FNDC3B: variants seen among roughly 807,000 people sequenced by gnomAD.
The protein encoded by FNDC3B is fibronectin type III domain containing 3B, also known as fibronectin type III domain-containing protein 3B.
In FNDC3B, 12 loss-of-function variants were observed where a neutral mutation model predicts 151.5. The ratio of observed to expected loss-of-function variants is 0.08; its 90% CI spans 0.05 to 0.13. The LOEUF is 0.13. FNDC3B is among the 10% of genes least tolerant of loss of function. FNDC3B has a pLI of 1.00. For missense variants in FNDC3B, 1,214 were observed against 1,505.3 expected (o/e 0.81, Z 3.20); for synonymous variants, 528 against 549.0 (o/e 0.96, Z 0.54).
chr3:172,236,660 A>AG (rs538001665), intron 4 of FNDC3B, among the ~76,000 whole-genome samples: 52 of 152,138 alleles, frequency 3.4e-4, no homozygotes, highest in Admixed American at 7.9e-4. Flanking sequence ...CTAACCAGGG[A>AG]GGGGTTCCTC....
rs186118875 is a variant in FNDC3B, at chr3:172,113,022, A to C, written c.111+432A>C. ...CCTTGCTCCTGGAATAGTCCTTCCA[A>C]ATGTGTAGCTCATAAAATCACGGTA... On this transcript the variant is annotated intron_variant, in intron 2 of 25. Coordinates refer to ENST00000415807, the MANE Select transcript of FNDC3B (RefSeq NM_022763.4). 1.5e-3 allele frequency among the ~76,000 whole-genome samples: 228 copies of C among 152,296 alleles called. 1 individual carries two copies. The highest frequency in any genetic ancestry group is 5.3e-3 in the African/African-American group (221 of 41,556).
chr3:172,261,976 C>G (rs1366536619), intron 6 of FNDC3B, among the ~76,000 whole-genome samples: 1 of 151,980 alleles, frequency 6.6e-6, no homozygotes, highest in Non-Finnish European at 1.5e-5. Context: ...ATGATTTGCT[C>G]CAAGCATAAA....
At position 172,352,709 on chromosome 3, in the gene FNDC3B, A is replaced by G. The variant is rs1377420959; in HGVS notation, c.2515-94A>G. On this transcript the variant is annotated intron_variant, in intron 21 of 25. Coordinates refer to ENST00000415807, the MANE Select transcript of FNDC3B (RefSeq NM_022763.4). This position sits in a 1 kb window ranked among gnomAD's most constrained non-coding sequence, Gnocchi z 4.2. ...TCTACCTGCATATGTGGAAATGTGT[A>G]CTACTTTAGATTTATTTAATGGCAG... 26 of 1,229,286 alleles carry G rather than the reference A, an allele frequency of 2.1e-5. No individual in the cohort carries two copies. Among genetic ancestry groups the G allele is most frequent in the East Asian group, 7.0e-5 (3 of 42,678 alleles). The allele number at this position is 1,229,286 out of a possible 1,614,324, so 76.1% of individuals were successfully genotyped here. A position where few individuals can be genotyped will look rare whatever the true frequency, so the allele number is the denominator to read the frequency against.
intron 6 of FNDC3B, among the ~76,000 whole-genome samples, chr3:172,277,183 G>T (rs114960259): frequency 0.023 from 3,463 of 152,282 alleles, 137 homozygotes; most frequent in African/African-American, 0.08. Context: ...GCATGCAAAT[G>T]TAGCAAAATG....
chr3:172,064,073 G>T (rs1489124616), intron 1 of FNDC3B, among the ~76,000 whole-genome samples: 1 of 152,098 alleles, frequency 6.6e-6, no homozygotes, highest in Non-Finnish European at 1.5e-5. Flanking sequence ...TTGAGGCCAG[G>T]AGTTTGAGGC....
chr3:172,129,725 G>A (rs1361970142), intron 2 of FNDC3B, among the ~76,000 whole-genome samples: 3 of 152,174 alleles, frequency 2.0e-5, no homozygotes, highest in African/African-American at 7.2e-5. Context: ...AGCAATAGTA[G>A]CTTAGAGGAT....
Position 172,291,986 on chromosome 3 carries a change from A to G in FNDC3B, c.850-3377A>G, listed in dbSNP as rs547063814. On this transcript the variant is annotated intron_variant, in intron 7 of 25. Coordinates refer to ENST00000415807, the MANE Select transcript of FNDC3B (RefSeq NM_022763.4). ...ATTACCTCCCAGGACACTTGGAGTA[A>G]ATATGTCTAGTGCTGAGAATTCACC... Among the ~76,000 whole-genome samples, 10 of 152,318 alleles carry G rather than the reference A, an allele frequency of 6.6e-5. 1 individual carries two copies. Among genetic ancestry groups the G allele is most frequent in the African/African-American group, 2.4e-4 (10 of 41,576 alleles).
At chr3:172,109,910 T>G (rs1251098442) in intron 1 of FNDC3B, among the ~76,000 whole-genome samples, 1 of 152,216 alleles carries the variant, frequency 6.6e-6, no homozygotes, top group Non-Finnish European at 1.5e-5. Flanking sequence ...AAGAGATGGT[T>G]TTGCACATCT....
intron 2 of FNDC3B, among the ~76,000 whole-genome samples, chr3:172,122,433 G>T (rs1720600391): frequency 6.6e-6 from 1 of 152,182 alleles, no homozygotes; most frequent in African/African-American, 2.4e-5. Flanking sequence ...ATTGGCATTG[G>T]CCAGAACTAG....
chr3:172,158,603 C>T (rs1202878395), intron 3 of FNDC3B, among the ~76,000 whole-genome samples: 1 of 152,022 alleles, frequency 6.6e-6, no homozygotes, highest in Non-Finnish European at 1.5e-5. Context: ...TCTTGTCTTT[C>T]CCTCCTTTAA....
Position 172,401,140 on chromosome 3 carries a change from C to T in FNDC3B, c.*3665C>T, listed in dbSNP as rs1298533433. The T allele has an allele frequency of 1.3e-5, 2 of 152,270 alleles. No individual in the cohort carries two copies. The highest frequency in any genetic ancestry group is 4.8e-5 in the African/African-American group (2 of 41,426). 9.4% of individuals were successfully genotyped at this position (152,270 alleles called of 1,614,324 possible). On this transcript the variant is annotated 3_prime_UTR_variant, in exon 26 of 26. Transcript: ENST00000415807. ...GTTTCACCATGTTGGCCAAGATGGT[C>T]TCGATCTGACCTCGTGATCTGCCCG...
At chr3:172,128,260 A>G (rs146348170) in intron 2 of FNDC3B, among the ~76,000 whole-genome samples, 116 of 152,280 alleles carry the variant, frequency 7.6e-4, no homozygotes, top group African/African-American at 2.5e-3. Flanking sequence ...GAGGCAATGG[A>G]CACATTCACA....
Position 172,334,954 on chromosome 3 carries a change from C to T in FNDC3B, c.1652C>T (p.Ser551Phe). ...STQYKFRLTA[S>F]NTEGKSCPSE... is the part of the protein sequence containing the mutation. ...TTGGTTGTGTTCTAGCTGACTGCTT[C>T]TAATACGGAAGGAAAAAGCTGTCCA... Residue 551 changes from serine (S) to phenylalanine (F), a missense_variant, in exon 15 of 26, where the codon TCT (serine) becomes TTT (phenylalanine). Around this residue, in one of 7 missense-constraint regions of FNDC3B, gnomAD observed 4 missense variants for 18.9 expected, o/e 0.21. Coordinates refer to ENST00000415807, the MANE Select transcript of FNDC3B (RefSeq NM_022763.4). 1 of 1,613,266 alleles carries T rather than the reference C, an allele frequency of 6.2e-7. No individual in the cohort carries two copies. Among genetic ancestry groups the T allele is most frequent in the African/African-American group, 1.3e-5 (1 of 75,004 alleles).
At chr3:172,333,024 A>G in intron 13 of FNDC3B, 65 bp from the exon 14 acceptor site, 1 of 975,738 alleles carries the variant, frequency 1.0e-6, no homozygotes, top group East Asian at 2.4e-5. Context: ...AAAATCCTGT[A>G]TTCAAAGGTA....
chr3:172,348,896 C>G (rs1449377281), intron 21 of FNDC3B, among the ~76,000 whole-genome samples: 1 of 152,096 alleles, frequency 6.6e-6, no homozygotes, highest in Non-Finnish European at 1.5e-5. Context: ...CAAACTATAC[C>G]AATTTATTGT....
At chr3:172,262,867 C>T (rs531942325) in intron 6 of FNDC3B, among the ~76,000 whole-genome samples, 16 of 116,264 alleles carry the variant, frequency 1.4e-4, no homozygotes, top group African/African-American at 5.1e-4. Context: ...ACTGCCCTTT[C>T]GCCTAGATGA....
At chr3:172,075,281 A>G (rs2108491602) in intron 1 of FNDC3B, among the ~76,000 whole-genome samples, 1 of 152,280 alleles carries the variant, frequency 6.6e-6, no homozygotes, top group East Asian at 1.9e-4. Context: ...GCCGAGACCT[A>G]CTGGACAACA....
intron 2 of FNDC3B, among the ~76,000 whole-genome samples, chr3:172,120,820 C>T (rs886096319): frequency 2.0e-5 from 3 of 152,006 alleles, no homozygotes; most frequent in Non-Finnish European, 4.4e-5. Flanking sequence ...ACCAAATTGC[C>T]GGGCGTGATG....
intron 3 of FNDC3B, among the ~76,000 whole-genome samples, chr3:172,182,671 T>G (rs975974055): frequency 1.3e-5 from 2 of 152,196 alleles, no homozygotes; most frequent in South Asian, 2.1e-4. Context: ...CAACATAGAA[T>G]CTTAAGAAGT....
Sources: allele counts gnomAD v4.1 joint callset (sites outside exome capture counted in the v4.1 genomes callset), GRCh38; gene constraint gnomAD v4.1.1; regional missense constraint gnomAD v4.1.1; non-coding constraint Gnocchi (gnomAD v3.1); transcripts MANE v1.5; gene names NCBI Gene and HGNC (gene_info 2026-07-23, HGNC 2026-07-21).